The following TTC7B variants were observed in gnomAD, a reference collection of about 807,000 sequenced individuals.
TTC7B encodes the protein tetratricopeptide repeat protein 7B.
In TTC7B, 28 loss-of-function variants were observed where a neutral mutation model predicts 106.8. That is an observed-to-expected ratio of 0.26 (90% CI 0.19 to 0.36). TTC7B has a LOEUF of 0.36. Ranked by LOEUF, TTC7B falls within the 10% of genes least tolerant of loss-of-function variation. The pLI is 1.00. For missense variants in TTC7B, 862 were observed against 1,076.4 expected (o/e 0.80, Z 2.79); for synonymous variants, 405 against 430.6 (o/e 0.94, Z 0.74).
chr14:90,740,494 CTTTTTTTTTTT>C (rs71461924), intron 4 of TTC7B, among the ~76,000 whole-genome samples: 2 of 78,314 alleles, frequency 2.6e-5, no homozygotes, highest in African/African-American at 9.7e-5. Flanking sequence ...AATTCTTTGA[CTTTTTTTTTTT>C]TTTTTTTTTT....
At chr14:90,729,926 A>G in intron 5 of TTC7B, 149 bp downstream of exon 5, 1 of 815,568 alleles carries the variant, frequency 1.2e-6, no homozygotes. Context: ...AAAAACAGCC[A>G]ATGTTCATTC....
rs192197261 is a variant in TTC7B at position 90,577,780 on chromosome 14, A to G, written c.2310+326T>C. 3.9e-3 allele frequency among the ~76,000 whole-genome samples: 598 copies of G among 152,366 alleles called. 4 individuals are homozygous for G. The highest frequency in any genetic ancestry group is 6.7e-3 in the Non-Finnish European group (453 of 68,032). On this transcript the variant is annotated intron_variant, in intron 19 of 19. Transcript: ENST00000328459. This position sits in a 1 kb window ranked among gnomAD's most constrained non-coding sequence, Gnocchi z 5.0. ...TGCAAGCAGCACAGAGGCTGAGATG[A>G]CAGTGACAATGCCCCACGGCCACAA...
At chr14:90,673,072 G>A (rs1886693525) in intron 9 of TTC7B, among the ~76,000 whole-genome samples, 1 of 152,222 alleles carries the variant, frequency 6.6e-6, no homozygotes, top group Admixed American at 6.5e-5. Context: ...TCTAGAGCCT[G>A]TGACACACTA....
chr14:90,575,081 C>G lies in TTC7B; in HGVS notation c.2310+3025G>C, dbSNP rs962494833. 1.3e-5 allele frequency among the ~76,000 whole-genome samples: 2 copies of G among 152,186 alleles called. No individual in the cohort carries two copies. The highest frequency in any genetic ancestry group is 1.3e-4 in the Admixed American group (2 of 15,280). On this transcript the variant is annotated intron_variant, in intron 19 of 19. Coordinates refer to ENST00000328459, the MANE Select transcript of TTC7B (RefSeq NM_001010854.2). This position sits in a 1 kb window ranked among gnomAD's most constrained non-coding sequence, Gnocchi z 5.2. ...TTCCGCCACTCTCCGCCACACAGGT[C>G]GGGGCCCTGCCTCCTCCCTGGGGCT...
rs1468688741 is a variant in TTC7B, at chr14:90,655,034, T to C, written c.1418A>G (p.Tyr473Cys). 2 of 1,614,218 alleles carry C rather than the reference T, an allele frequency of 1.2e-6. No individual in the cohort carries two copies. Among genetic ancestry groups the C allele is most frequent in the South Asian group, 1.1e-5 (1 of 91,090 alleles). ...EKTSEFKAKG[Y>C]LALGLTYSLQ... The stretch of plus-strand genomic sequence containing the variant: ...ACTGTACGTGAGCCCCAGAGCTAAG[T>C]AGCCTTTGGCCTTGAACTCTGACGT... The change falls in exon 12 of 20, where the codon TAC becomes TGC. Residue 473 changes from tyrosine (Y) to cysteine (C), a missense_variant. Transcript: ENST00000328459.
chr14:90,658,848 C>T (rs946785753), intron 9 of TTC7B, among the ~76,000 whole-genome samples: 7 of 152,198 alleles, frequency 4.6e-5, no homozygotes, highest in Non-Finnish European at 1.0e-4. Flanking sequence ...TTTATCTTCT[C>T]AGTACTGGTG....
intron 9 of TTC7B, among the ~76,000 whole-genome samples, chr14:90,661,839 G>C (rs376624692): frequency 9.8e-5 from 15 of 152,328 alleles, no homozygotes; most frequent in African/African-American, 3.4e-4. Context: ...AGCTGAAACA[G>C]CCTGTTCTGA....
chr14:90,795,031 T>C (rs1687080262), intron 1 of TTC7B, among the ~76,000 whole-genome samples: 1 of 151,960 alleles, frequency 6.6e-6, no homozygotes, highest in African/African-American at 2.4e-5. Flanking sequence ...TAATAACGTG[T>C]CCAGCTGCAA....
At chr14:90,798,078 G>A (rs1170802664) in intron 1 of TTC7B, among the ~76,000 whole-genome samples, 2 of 152,164 alleles carry the variant, frequency 1.3e-5, no homozygotes, top group Non-Finnish European at 2.9e-5. Context: ...AAGGGCTTAC[G>A]CACTTTTTCC....
intron 18 of TTC7B, among the ~76,000 whole-genome samples, chr14:90,583,811 C>T (rs895447359): frequency 2.6e-5 from 4 of 152,192 alleles, no homozygotes; most frequent in Admixed American, 2.0e-4. Flanking sequence ...TATTGGGTTA[C>T]TATGAAAAAT....
At position 90,757,444 on chromosome 14, in the gene TTC7B, T is replaced by TA. The variant is rs1367762235; in HGVS notation, c.446-12523dup. On this transcript the variant is annotated intron_variant, in intron 3 of 19. Transcript: ENST00000328459. This position sits in a 1 kb window ranked among gnomAD's most constrained non-coding sequence, Gnocchi z 4.1. ...GGGTGACAGGGCAGGACCCTGTCTC[T>TA]AAAAAAAGAAAGAAAGAAAAGAAAA... is the stretch of plus-strand genomic sequence containing the variant. Among the ~76,000 whole-genome samples, 1 of 151,968 alleles carries TA rather than the reference T, an allele frequency of 6.6e-6. No homozygotes were observed. Among genetic ancestry groups the TA allele is most frequent in the Non-Finnish European group, 1.5e-5 (1 of 67,976 alleles).
Position 90,695,575 on chromosome 14 carries a change from G to T in TTC7B, c.702C>A (p.Asn234Lys). 1 of 1,594,874 alleles carries T rather than the reference G, an allele frequency of 6.3e-7. No individual in the cohort carries two copies. The highest frequency in any genetic ancestry group is 8.5e-7 in the Non-Finnish European group (1 of 1,171,460). ...TAAATCTTCCGACTCCTCTTGTCAA[G>T]TTCCTGTGTGGACACAGAATTTGAC... ...RAHVLYFKNG[N>K]LTRGVGRFRE... The change falls in exon 6 of 20, where the codon AAC (asparagine) becomes AAA (lysine). Residue 234 changes from asparagine to lysine, a missense_variant. Asn to Lys is a moderately conservative substitution (Grantham distance 94, BLOSUM62 0). Coordinates refer to ENST00000328459, the MANE Select transcript of TTC7B (RefSeq NM_001010854.2).
intron 3 of TTC7B, among the ~76,000 whole-genome samples, chr14:90,748,308 A>C (rs1170091589): frequency 6.6e-6 from 1 of 151,848 alleles, no homozygotes; most frequent in Non-Finnish European, 1.5e-5. Flanking sequence ...GATTGCTTCA[A>C]GGTTTAATTT....
At chr14:90,638,787 G>A (rs1318566761) in intron 15 of TTC7B, among the ~76,000 whole-genome samples, 1 of 152,230 alleles carries the variant, frequency 6.6e-6, no homozygotes, top group Non-Finnish European at 1.5e-5. Context: ...AACCTAAAGA[G>A]CAGGATACAG....
intron 3 of TTC7B, among the ~76,000 whole-genome samples, chr14:90,774,669 C>T (rs1387862535): frequency 1.3e-5 from 2 of 152,250 alleles, no homozygotes; most frequent in South Asian, 2.1e-4. Flanking sequence ...ACTCCCCATC[C>T]TCCAACATCA....
intron 9 of TTC7B, among the ~76,000 whole-genome samples, chr14:90,671,428 TA>T (rs566655247): frequency 1.3e-5 from 2 of 152,286 alleles, no homozygotes; most frequent in South Asian, 4.2e-4. Flanking sequence ...CACAACCTTC[TA>T]AAAGGACCCC....
intron 3 of TTC7B, among the ~76,000 whole-genome samples, chr14:90,765,217 G>C (rs1040378455): frequency 2.0e-5 from 3 of 152,160 alleles, no homozygotes; most frequent in Non-Finnish European, 1.5e-5. Context: ...AAAGTCAAGT[G>C]CATGATTTCA....
rs187659908 is a variant in TTC7B, at chr14:90,599,036, A to C, written c.1967-5410T>G. Among the ~76,000 whole-genome samples the C allele has an allele frequency of 3.3e-5, 5 of 152,314 alleles. No individual in the cohort carries two copies. In the East Asian group the frequency reaches 7.7e-4, roughly 24 times the overall value. On this transcript the variant is annotated intron_variant, in intron 17 of 19. Transcript: ENST00000328459. ...CCTGGTGGCGGGTGCCTGTAATCCC[A>C]GCTACTCGGGAGGCTGAGGCAGGAG...
chr14:90,745,037 T>G (rs1889909570), intron 3 of TTC7B, 115 bp from the exon 4 acceptor site: 1 of 1,019,328 alleles, frequency 9.8e-7, no homozygotes, highest in African/African-American at 1.6e-5. Flanking sequence ...TGTTTGCAAA[T>G]AGACAGTTTA....
Sources: gnomAD v4.1 joint callset for allele counts (sites outside exome capture counted in the v4.1 genomes callset) on GRCh38, gnomAD v4.1.1 for gene constraint, Gnocchi (gnomAD v3.1) non-coding constraint, MANE v1.5 for transcripts, NCBI Gene and HGNC (gene_info 2026-07-23, HGNC 2026-07-21) for gene names.